Variants in LRRC37A2 observed in about 807,000 individuals in gnomAD.
LRRC37A2 encodes the protein leucine rich repeat containing 37 member A2.
A neutral mutation model predicts 68.8 loss-of-function variants in LRRC37A2; 9 were observed. The observed-to-expected ratio is 0.13, with a 90% CI of 0.08 to 0.23. The LOEUF is 0.23. Among genes scored for constraint, LRRC37A2 ranks in the 10% least tolerant of loss-of-function variants. LRRC37A2 has a pLI of 1.00. For missense variants in LRRC37A2, 168 were observed against 950.4 expected (o/e 0.18, Z 10.82); for synonymous variants, 63 against 367.6 (o/e 0.17, Z 9.48).
chr17:46,544,790 A>C (rs1567974613), intron 8 of LRRC37A2, among the ~76,000 whole-genome samples: 2 of 109,372 alleles, frequency 1.8e-5, no homozygotes, highest in Non-Finnish European at 3.6e-5. Flanking sequence ...TCTTTTGCCC[A>C]AATTTACGTA....
the LRRC37A2 span, among the ~76,000 whole-genome samples, chr17:46,495,160 G>C: frequency 6.8e-6 from 1 of 146,534 alleles, no homozygotes; most frequent in Non-Finnish European, 1.5e-5. Context: ...CAAACCTTAA[G>C]CTTTATAGAT....
At chr17:46,871,071 C>T in the LRRC37A2 span, among the ~76,000 whole-genome samples, 2 of 152,042 alleles carry the variant, frequency 1.3e-5, no homozygotes, top group Admixed American at 1.3e-4. Flanking sequence ...CCACCATGCC[C>T]ACATAATTTT....
chr17:47,024,362 G>T, the LRRC37A2 span, among the ~76,000 whole-genome samples: 1 of 152,090 alleles, frequency 6.6e-6, no homozygotes, highest in African/African-American at 2.4e-5. Context: ...GGAAATGGAG[G>T]TTCTGCTGAT....
chr17:46,816,606 T>C, the LRRC37A2 span, among the ~76,000 whole-genome samples: 1 of 152,142 alleles, frequency 6.6e-6, no homozygotes, highest in African/African-American at 2.4e-5. Context: ...AGGGCCAATG[T>C]CTTGACCTTC....
At chr17:46,990,801 G>A in the LRRC37A2 span, among the ~76,000 whole-genome samples, 8 of 152,052 alleles carry the variant, frequency 5.3e-5, no homozygotes, top group African/African-American at 1.4e-4. Flanking sequence ...CTCCCAAGAA[G>A]CTGAGATTAC....
At chr17:46,738,504 G>T in the LRRC37A2 span, among the ~76,000 whole-genome samples, 1 of 152,148 alleles carries the variant, frequency 6.6e-6, no homozygotes, top group Non-Finnish European at 1.5e-5. Context: ...AATGAATAAG[G>T]ACCATCATAA....
chr17:46,760,185 A>C, the LRRC37A2 span, among the ~76,000 whole-genome samples: 2 of 152,200 alleles, frequency 1.3e-5, no homozygotes, highest in Non-Finnish European at 2.9e-5. Flanking sequence ...ATTTGAGCCC[A>C]GGGGGTCAAG....
chr17:46,893,840 G>A, the LRRC37A2 span, among the ~76,000 whole-genome samples: 1 of 152,146 alleles, frequency 6.6e-6, no homozygotes, highest in South Asian at 2.1e-4. Flanking sequence ...AGCCAAGGTG[G>A]CCAGGGGCTG....
At chr17:46,979,551 CCTGA>C in the LRRC37A2 span, among the ~76,000 whole-genome samples, 1 of 152,178 alleles carries the variant, frequency 6.6e-6, no homozygotes, top group African/African-American at 2.4e-5. Context: ...CGGAATCTGC[CCTGA>C]CTCTCTTCGC....
chr17:46,784,961 T>C, the LRRC37A2 span, among the ~76,000 whole-genome samples: 1 of 152,160 alleles, frequency 6.6e-6, no homozygotes, highest in East Asian at 1.9e-4. Context: ...TATTTTTTAG[T>C]AGAGACGGGG....
the LRRC37A2 span, among the ~76,000 whole-genome samples, chr17:46,787,465 A>C: frequency 6.6e-6 from 1 of 152,212 alleles, no homozygotes; most frequent in African/African-American, 2.4e-5. Flanking sequence ...ATTAAGGCCC[A>C]GGGAAGCGAT....
the LRRC37A2 span, among the ~76,000 whole-genome samples, chr17:46,943,907 G>T: frequency 1.3e-5 from 2 of 152,192 alleles, no homozygotes; most frequent in African/African-American, 4.8e-5. Flanking sequence ...CGATCCCTCG[G>T]TCTGATGGTC....
At chr17:46,767,149 A>G in the LRRC37A2 span, among the ~76,000 whole-genome samples, 1 of 152,086 alleles carries the variant, frequency 6.6e-6, no homozygotes, top group African/African-American at 2.4e-5. Flanking sequence ...CTCCTCATCC[A>G]TGCTGACCTA....
the LRRC37A2 span, among the ~76,000 whole-genome samples, chr17:46,945,667 C>A: frequency 6.6e-6 from 1 of 152,168 alleles, no homozygotes; most frequent in Non-Finnish European, 1.5e-5. Flanking sequence ...CACATTCTTT[C>A]AACCAAGACC....
the LRRC37A2 span, among the ~76,000 whole-genome samples, chr17:47,006,856 T>C: frequency 4.6e-5 from 7 of 152,372 alleles, no homozygotes; most frequent in African/African-American, 9.6e-5. Context: ...AGGACTTAGA[T>C]AAAAGACAAG....
chr17:46,924,171 A>G, the LRRC37A2 span: 2 of 288,612 alleles, frequency 6.9e-6, no homozygotes, highest in Non-Finnish European at 1.3e-5. Context: ...ACTTCTCTCT[A>G]TGAGTTTACC....
At chr17:46,499,425 A>G in the LRRC37A2 span, among the ~76,000 whole-genome samples, 23 of 150,392 alleles carry the variant, frequency 1.5e-4, 3 homozygotes, top group African/African-American at 5.8e-4. Context: ...AAAACGCAGG[A>G]GTCAACTCTG....
the LRRC37A2 span, among the ~76,000 whole-genome samples, chr17:46,744,622 A>G: frequency 1.0e-4 from 11 of 108,484 alleles, no homozygotes; most frequent in Admixed American, 7.8e-4. Flanking sequence ...TTATTTAGGG[A>G]AAAAAAAAAG....
intron 8 of LRRC37A2, among the ~76,000 whole-genome samples, chr17:46,544,381 A>G (rs1304486144): frequency 2.1e-3 from 2 of 952 alleles, no homozygotes; most frequent in African/African-American, 0.016. Context: ...TTCTGTTTTC[A>G]TAGTCTTAAT....
Sources: allele counts gnomAD v4.1 joint callset (sites outside exome capture counted in the v4.1 genomes callset), GRCh38; gene constraint gnomAD v4.1.1; transcripts MANE v1.5; gene names NCBI Gene and HGNC (gene_info 2026-07-23, HGNC 2026-07-21).